The following NR3C2 variants were observed in gnomAD, a reference collection of about 807,000 sequenced individuals.
The protein encoded by NR3C2 is nuclear receptor subfamily 3 group C member 2.
In NR3C2, 15 loss-of-function variants were observed where a neutral mutation model predicts 86.4. The observed-to-expected ratio is 0.17, with a 90% CI of 0.12 to 0.27. The LOEUF (loss-of-function observed/expected upper bound fraction) is 0.27, where lower values mean the gene tolerates loss of function less well. NR3C2 is among the 10% of genes least tolerant of loss of function. The pLI, the probability that NR3C2 is intolerant of heterozygous loss-of-function variation, is 1.00. For synonymous variants in NR3C2, 458 were observed against 450.5 expected (o/e 1.02, Z -0.21); for missense variants, 960 against 1,195.6 (o/e 0.80, Z 2.91).
chr4:148,378,829 A>G (rs1382658974), intron 2 of NR3C2, among the ~76,000 whole-genome samples: 1 of 152,228 alleles, frequency 6.6e-6, no homozygotes, highest in African/African-American at 2.4e-5. Flanking sequence ...AGACTCATAC[A>G]CTAGAGAAAT....
At chr4:148,241,010 A>G (rs1045955465) in intron 3 of NR3C2, among the ~76,000 whole-genome samples, 8 of 152,106 alleles carry the variant, frequency 5.3e-5, no homozygotes, top group African/African-American at 1.9e-4. Flanking sequence ...CGCCTTTAGA[A>G]AAAAATAAAA....
At chr4:148,362,509 G>A (rs1397311938) in intron 2 of NR3C2, among the ~76,000 whole-genome samples, 1 of 152,026 alleles carries the variant, frequency 6.6e-6, no homozygotes, top group African/African-American at 2.4e-5. Context: ...ATTTTTTGAA[G>A]TCTGAGCCTT....
rs144586500 is a variant in NR3C2 at position 148,236,552 on chromosome 4, G to A, written c.1897+23426C>T. On this transcript the variant is annotated intron_variant, in intron 3 of 8. Coordinates refer to ENST00000358102, the MANE Select transcript of NR3C2 (RefSeq NM_000901.5). ...TTACACTTAAAAAAAGGTCAGAAAA[G>A]TTTTGTTTGAAGGTTTAGCATACCA... is the stretch of plus-strand genomic sequence containing the variant. Among the ~76,000 whole-genome samples the A allele has an allele frequency of 9.3e-3, 1,416 of 152,104 alleles. 26 individuals are homozygous for A. The highest frequency in any genetic ancestry group is 0.032 in the African/African-American group (1,329 of 41,506).
chr4:148,191,198 ATTTG>A (rs2149799738), intron 4 of NR3C2, among the ~76,000 whole-genome samples: 1 of 152,234 alleles, frequency 6.6e-6, no homozygotes, highest in South Asian at 2.1e-4. Flanking sequence ...TTCTCTCAGC[ATTTG>A]TTTGTCTGAA....
intron 2 of NR3C2, among the ~76,000 whole-genome samples, chr4:148,299,235 G>A (rs1401815650): frequency 2.6e-5 from 4 of 152,154 alleles, no homozygotes; most frequent in Admixed American, 6.5e-5. Context: ...AGCCTGCATC[G>A]TTTTCGTGGC....
chr4:148,262,574 G>C (rs1275930501), intron 2 of NR3C2, among the ~76,000 whole-genome samples: 1 of 152,102 alleles, frequency 6.6e-6, no homozygotes, highest in African/African-American at 2.4e-5. Context: ...GGATGGAACT[G>C]TGTCCCCCAA....
intron 4 of NR3C2, among the ~76,000 whole-genome samples, chr4:148,163,316 G>A (rs1457847653): frequency 1.3e-5 from 2 of 152,116 alleles, no homozygotes; most frequent in Non-Finnish European, 2.9e-5. Context: ...ATTGAGATCT[G>A]GTGGCCCTAC....
intron 2 of NR3C2, among the ~76,000 whole-genome samples, chr4:148,303,791 C>T (rs928910720): frequency 1.3e-5 from 2 of 152,208 alleles, no homozygotes; most frequent in Admixed American, 6.5e-5. Context: ...ATAAAGGTCA[C>T]GCTAGTATCC....
At chr4:148,085,571 C>A (rs1399641765) in intron 8 of NR3C2, among the ~76,000 whole-genome samples, 1 of 152,044 alleles carries the variant, frequency 6.6e-6, no homozygotes, top group Non-Finnish European at 1.5e-5. Context: ...CCTAACATCA[C>A]AATTAAAAGA....
At chr4:148,159,392 T>C (rs760664284) in intron 4 of NR3C2, among the ~76,000 whole-genome samples, 12 of 152,246 alleles carry the variant, frequency 7.9e-5, no homozygotes, top group Admixed American at 2.0e-4. Flanking sequence ...GACCCACTTG[T>C]GGAGTTATTA....
intron 6 of NR3C2, among the ~76,000 whole-genome samples, chr4:148,134,643 C>CTTTTT (rs1175816621): frequency 1.5e-4 from 6 of 40,798 alleles, no homozygotes; most frequent in East Asian, 1.6e-3. Flanking sequence ...CTCTCTCTCT[C>CTTTTT]TTTTTTTTTT....
intron 2 of NR3C2, among the ~76,000 whole-genome samples, chr4:148,267,794 T>C (rs193203073): frequency 1.3e-5 from 2 of 152,290 alleles, no homozygotes; most frequent in East Asian, 3.9e-4. Flanking sequence ...CACCAATATT[T>C]TAAAAAATAC....
intron 2 of NR3C2, among the ~76,000 whole-genome samples, chr4:148,304,023 G>A (rs1006143710): frequency 7.2e-5 from 11 of 152,284 alleles, no homozygotes; most frequent in Admixed American, 5.9e-4. Context: ...CATGTAGCCC[G>A]GGTATTCAAG....
At chr4:148,206,864 C>T (rs912699233) in intron 3 of NR3C2, among the ~76,000 whole-genome samples, 12 of 152,120 alleles carry the variant, frequency 7.9e-5, no homozygotes, top group African/African-American at 2.9e-4. Flanking sequence ...TTGTGGGCTA[C>T]CAACTATGTT....
intron 6 of NR3C2, among the ~76,000 whole-genome samples, chr4:148,130,956 C>T (rs1472568574): frequency 2.0e-5 from 3 of 151,080 alleles, no homozygotes; most frequent in South Asian, 4.2e-4. Flanking sequence ...CCCGAGTAGC[C>T]GGGACCTGGG....
At chr4:148,168,365 G>A (rs1024965510) in intron 4 of NR3C2, among the ~76,000 whole-genome samples, 5 of 152,168 alleles carry the variant, frequency 3.3e-5, no homozygotes, top group African/African-American at 1.2e-4. Context: ...GAGCCTTCTA[G>A]ACCCAGAAAG....
intron 3 of NR3C2, among the ~76,000 whole-genome samples, chr4:148,249,553 A>G (rs191964440): frequency 6.6e-6 from 1 of 152,302 alleles, no homozygotes; most frequent in East Asian, 1.9e-4. Context: ...TAGAAAAGTA[A>G]ACATTTTTAT....
chr4:148,376,096 C>T (rs999333864), intron 2 of NR3C2, among the ~76,000 whole-genome samples: 9 of 144,530 alleles, frequency 6.2e-5, no homozygotes, highest in African/African-American at 1.3e-4. Context: ...AGAATAATAA[C>T]GTTATTCTGC....
chr4:148,268,600 T>G (rs1740514387), intron 2 of NR3C2, among the ~76,000 whole-genome samples: 1 of 152,212 alleles, frequency 6.6e-6, no homozygotes, highest in Non-Finnish European at 1.5e-5. Context: ...ACAATTTACT[T>G]TTTTGTTTGG....
Sources: allele counts gnomAD v4.1 joint callset (sites outside exome capture counted in the v4.1 genomes callset), GRCh38; gene constraint gnomAD v4.1.1; transcripts MANE v1.5; gene names NCBI Gene and HGNC (gene_info 2026-07-23, HGNC 2026-07-21).